The following FRMD3 variants were observed in gnomAD, a reference collection of about 807,000 sequenced individuals.
The protein encoded by FRMD3 is FERM domain-containing protein 3.
In FRMD3, 33 loss-of-function variants were observed where a neutral mutation model predicts 70.2. That is an observed-to-expected ratio of 0.47 (90% CI 0.36 to 0.63). The LOEUF (loss-of-function observed/expected upper bound fraction) is 0.63. Ranked by LOEUF, FRMD3 falls within the 20% of genes least tolerant of loss-of-function variation. The pLI, the probability that FRMD3 is intolerant of heterozygous loss-of-function variation, is 0.00. For missense variants in FRMD3, 632 were observed against 711.4 expected (o/e 0.89, Z 1.27); for synonymous variants, 279 against 255.9 (o/e 1.09, Z -0.86).
intron 13 of FRMD3, among the ~76,000 whole-genome samples, chr9:83,250,510 G>A (rs539763072): frequency 1.1e-3 from 161 of 152,270 alleles, no homozygotes; most frequent in African/African-American, 3.6e-3. Flanking sequence ...TCATTCTGTG[G>A]GCCCCACTTC....
intron 13 of FRMD3, among the ~76,000 whole-genome samples, chr9:83,274,931 G>A (rs1257787866): frequency 6.6e-6 from 1 of 152,228 alleles, no homozygotes; most frequent in Non-Finnish European, 1.5e-5. Context: ...CAGTAGACGT[G>A]GAGTGTGGGG....
At chr9:83,409,165 G>A (rs1826208945) in intron 1 of FRMD3, among the ~76,000 whole-genome samples, 1 of 152,166 alleles carries the variant, frequency 6.6e-6, no homozygotes, top group Admixed American at 6.5e-5. Flanking sequence ...AGCCCCATTT[G>A]AGGTGGGATG....
At chr9:83,528,123 G>C (rs1829721518) in intron 1 of FRMD3, among the ~76,000 whole-genome samples, 1 of 152,184 alleles carries the variant, frequency 6.6e-6, no homozygotes, top group Non-Finnish European at 1.5e-5. Context: ...TTCATGTTTA[G>C]CTGTATATTT....
the FRMD3 span, among the ~76,000 whole-genome samples, chr9:83,575,049 C>A: frequency 6.6e-6 from 1 of 152,140 alleles, no homozygotes; most frequent in Non-Finnish European, 1.5e-5. Context: ...CTGACTGCAA[C>A]ATCACCCTGA....
At chr9:83,381,314 G>A (rs137921319) in intron 2 of FRMD3, among the ~76,000 whole-genome samples, 32 of 152,244 alleles carry the variant, frequency 2.1e-4, no homozygotes, top group East Asian at 1.9e-3. Context: ...CAGCACTTTC[G>A]GAGGCCAAGG....
Position 83,311,832 on chromosome 9 carries a change from C to T in FRMD3, c.773+55G>A, listed in dbSNP as rs374538744. The T allele has an allele frequency of 7.3e-6, 9 of 1,237,872 alleles. No individual in the cohort carries two copies. In the South Asian group the frequency reaches 7.4e-5, roughly 10 times the overall value. The allele number at this position is 1,237,872 out of a possible 1,614,324, so 76.7% of individuals were successfully genotyped here. On this transcript the variant is annotated intron_variant, in intron 8 of 13. Transcript: ENST00000304195. Reference sequence around the variant, plus strand: ...CTTGCCCGAGAAGCCAAGGAGGGGACGGAGGAATCAAGATTAAGAAAAATG... The same window carrying T: ...CTTGCCCGAGAAGCCAAGGAGGGGATGGAGGAATCAAGATTAAGAAAAATG...
At chr9:83,558,363 T>C in the FRMD3 span, among the ~76,000 whole-genome samples, 1 of 152,144 alleles carries the variant, frequency 6.6e-6, no homozygotes, top group South Asian at 2.1e-4. Context: ...AAATGCCAAA[T>C]TTGGAGAAGT....
At chr9:83,400,376 A>G (rs1445860000) in intron 1 of FRMD3, among the ~76,000 whole-genome samples, 1 of 152,208 alleles carries the variant, frequency 6.6e-6, no homozygotes. Context: ...AACTACCAAA[A>G]TTTGGATGAA....
intron 1 of FRMD3, among the ~76,000 whole-genome samples, chr9:83,419,775 A>G (rs919462882): frequency 3.9e-5 from 6 of 152,140 alleles, no homozygotes; most frequent in Admixed American, 1.3e-4. Flanking sequence ...TGTTCACCTA[A>G]TTCTAACAAA....
intron 6 of FRMD3, among the ~76,000 whole-genome samples, chr9:83,330,112 C>T (rs1237350754): frequency 6.6e-6 from 1 of 152,120 alleles, no homozygotes; most frequent in African/African-American, 2.4e-5. Flanking sequence ...CACCTATAAT[C>T]CCAGCACTTT....
rs117760774 is a variant in FRMD3 at position 83,278,558 on chromosome 9, C to T, written c.1195+12045G>A. Among the ~76,000 whole-genome samples the T allele has an allele frequency of 9.6e-4, 146 of 152,216 alleles. 4 individuals are homozygous for T. The East Asian group carries it at 0.025, about 26-fold the overall frequency. The stretch of plus-strand genomic sequence containing the variant: ...AATTCAATATCTTATGACCACTGGG[C>T]AATGGGAGAAGTTTGACGGGAAAGG... On this transcript the variant is annotated intron_variant, in intron 13 of 13. Coordinates refer to ENST00000304195, the MANE Select transcript of FRMD3 (RefSeq NM_174938.6).
chr9:83,459,336 C>A (rs964412471), intron 1 of FRMD3, among the ~76,000 whole-genome samples: 5 of 152,198 alleles, frequency 3.3e-5, no homozygotes, highest in Admixed American at 6.5e-5. Context: ...TCTGACTCCC[C>A]ACCTGGAGCA....
chr9:83,459,708 T>C (rs1827917311), intron 1 of FRMD3, among the ~76,000 whole-genome samples: 1 of 152,228 alleles, frequency 6.6e-6, no homozygotes, highest in African/African-American at 2.4e-5. Flanking sequence ...TGAACTGCCA[T>C]GGCCCACAGC....
At chr9:83,414,931 T>C (rs1341411077) in intron 1 of FRMD3, among the ~76,000 whole-genome samples, 1 of 152,238 alleles carries the variant, frequency 6.6e-6, no homozygotes, top group Non-Finnish European at 1.5e-5. Context: ...AGGGACTGTT[T>C]ATAAAGGTCT....
At chr9:83,385,707 TTACTTGCCA>T (rs1275809885) in intron 2 of FRMD3, among the ~76,000 whole-genome samples, 3 of 152,070 alleles carry the variant, frequency 2.0e-5, no homozygotes, top group Non-Finnish European at 4.4e-5. Flanking sequence ...TTCATCAGTT[TTACTTGCCA>T]TTCAGAAAAA....
intron 13 of FRMD3, among the ~76,000 whole-genome samples, chr9:83,254,014 G>T (rs1832555252): frequency 6.7e-6 from 1 of 150,222 alleles, no homozygotes; most frequent in Non-Finnish European, 1.5e-5. Flanking sequence ...CTATCACAAG[G>T]ACAAAAAACC....
intron 1 of FRMD3, among the ~76,000 whole-genome samples, chr9:83,507,514 GA>G (rs1408168064): frequency 6.8e-6 from 1 of 147,376 alleles, no homozygotes; most frequent in African/African-American, 2.5e-5. Flanking sequence ...AAAAAATAAA[GA>G]AAAAATTAGC....
chr9:83,558,286 G>GCACATGTGCGTGTGTGCGCGCGCA, the FRMD3 span, among the ~76,000 whole-genome samples: 1 of 152,084 alleles, frequency 6.6e-6, no homozygotes, highest in African/African-American at 2.4e-5. Context: ...GTGCGCGCGC[G>GCACATGTGCGTGTGTGCGCGCGCA]CACGCACATG....
intron 4 of FRMD3, 85 bp from the exon 5 acceptor site, chr9:83,343,372 T>C (rs1044958657): frequency 3.4e-6 from 3 of 889,650 alleles, no homozygotes; most frequent in Admixed American, 1.9e-5. Flanking sequence ...GCTCCCATGG[T>C]GACCAGAGCT....
Sources: allele counts gnomAD v4.1 joint callset (sites outside exome capture counted in the v4.1 genomes callset), GRCh38; gene constraint gnomAD v4.1.1; transcripts MANE v1.5; gene names NCBI Gene and HGNC (gene_info 2026-07-23, HGNC 2026-07-21).